The following GRID2 variants were observed in gnomAD, a reference collection of about 807,000 sequenced individuals.
The protein encoded by GRID2 is glutamate receptor ionotropic, delta-2.
GRID2 carries 33 observed loss-of-function variants against 114.8 expected under a neutral mutation model. The ratio of observed to expected loss-of-function variants is 0.29; its 90% CI spans 0.22 to 0.38. The LOEUF is 0.38. Among genes scored for constraint, GRID2 ranks in the 10% least tolerant of loss-of-function variants. GRID2 has a pLI of 1.00. For missense variants in GRID2, 1,184 were observed against 1,257.7 expected (o/e 0.94, Z 0.89); for synonymous variants, 505 against 449.9 (o/e 1.12, Z -1.55).
intron 1 of GRID2, among the ~76,000 whole-genome samples, chr4:92,581,376 G>T (rs1485681999): frequency 7.2e-5 from 11 of 151,916 alleles, no homozygotes; most frequent in Admixed American, 7.2e-4. Flanking sequence ...CTCTTACTAT[G>T]CTCCATGTGG....
chr4:93,780,581 A>G (rs1734458924), intron 1 of GRID2, among the ~76,000 whole-genome samples: 1 of 152,236 alleles, frequency 6.6e-6, no homozygotes, highest in African/African-American at 2.4e-5. Context: ...TCTTGGAATC[A>G]TAACTGCCGA....
At chr4:93,250,337 GC>G (rs1579426484) in intron 8 of GRID2, among the ~76,000 whole-genome samples, 1 of 152,092 alleles carries the variant, frequency 6.6e-6, no homozygotes, top group East Asian at 1.9e-4. Flanking sequence ...ACACACTGGG[GC>G]CTGTCAGAGG....
At chr4:92,542,880 T>G (rs1010742083) in intron 1 of GRID2, among the ~76,000 whole-genome samples, 2 of 152,180 alleles carry the variant, frequency 1.3e-5, no homozygotes, top group African/African-American at 2.4e-5. Flanking sequence ...TGGGTTCTAG[T>G]AGACCCTGTT....
chr4:92,584,617 A>C (rs879274952), intron 1 of GRID2, among the ~76,000 whole-genome samples: 1 of 152,038 alleles, frequency 6.6e-6, no homozygotes, highest in Non-Finnish European at 1.5e-5. Flanking sequence ...ACTACATTTC[A>C]TCAATTTTAT....
At chr4:92,810,846 T>C (rs111731130) in intron 2 of GRID2, among the ~76,000 whole-genome samples, 4,914 of 152,214 alleles carry the variant, frequency 0.032, 141 homozygotes, top group East Asian at 0.13. Flanking sequence ...GACTGGAGTG[T>C]GGTGGCACAA....
At chr4:93,147,570 G>A (rs1021762309) in intron 4 of GRID2, among the ~76,000 whole-genome samples, 1 of 152,170 alleles carries the variant, frequency 6.6e-6, no homozygotes, top group Non-Finnish European at 1.5e-5. Context: ...TAGGATGTGT[G>A]AGGAGGGAAG....
chr4:92,861,971 T>A lies in GRID2; in HGVS notation c.245-223024T>A, dbSNP rs556857214. Among the ~76,000 whole-genome samples the A allele has an allele frequency of 7.1e-4, 108 of 152,144 alleles. No homozygotes were observed. The South Asian group carries it at 0.022, about 31-fold the overall frequency. On this transcript the variant is annotated intron_variant, in intron 2 of 15. Transcript: ENST00000282020. ...TTATTGTCTGACGCCCACTATATTATAAGACCCCAGAATTTTTCTGTCTCA... is the reference window on the plus strand; with the variant it reads ...TTATTGTCTGACGCCCACTATATTAAAAGACCCCAGAATTTTTCTGTCTCA...
chr4:93,433,099 A>C (rs967896878), intron 10 of GRID2, among the ~76,000 whole-genome samples: 3 of 152,178 alleles, frequency 2.0e-5, no homozygotes, highest in African/African-American at 7.2e-5. Flanking sequence ...ATTAACTGTA[A>C]CAAATGTACC....
At chr4:92,490,874 G>C (rs887479441) in intron 1 of GRID2, among the ~76,000 whole-genome samples, 1 of 151,934 alleles carries the variant, frequency 6.6e-6, no homozygotes, top group Non-Finnish European at 1.5e-5. Flanking sequence ...TGCCTGTTTT[G>C]CATCATTAAC....
chr4:93,603,994 A>C (rs1578372956), intron 13 of GRID2, among the ~76,000 whole-genome samples: 1 of 152,342 alleles, frequency 6.6e-6, no homozygotes, highest in Admixed American at 6.5e-5. Flanking sequence ...ATGCCTGCTA[A>C]CACAAGATCC....
At chr4:93,526,587 A>T (rs1730925393) in intron 13 of GRID2, among the ~76,000 whole-genome samples, 1 of 152,200 alleles carries the variant, frequency 6.6e-6, no homozygotes, top group Non-Finnish European at 1.5e-5. Flanking sequence ...AGGCGGACAG[A>T]TCACCTGAGG....
chr4:93,451,669 A>C (rs1376166793), intron 10 of GRID2, among the ~76,000 whole-genome samples: 1 of 152,240 alleles, frequency 6.6e-6, no homozygotes, highest in South Asian at 2.1e-4. Flanking sequence ...AGAGGAAGAA[A>C]GGTAGATTTC....
chr4:92,623,777 G>C (rs1270241040), intron 2 of GRID2, among the ~76,000 whole-genome samples: 1 of 151,776 alleles, frequency 6.6e-6, no homozygotes, highest in African/African-American at 2.4e-5. Flanking sequence ...GAACCATTGA[G>C]TTGGAACTCA....
chr4:93,658,451 C>A (rs1327945664), intron 14 of GRID2, among the ~76,000 whole-genome samples: 1 of 152,102 alleles, frequency 6.6e-6, no homozygotes, highest in African/African-American at 2.4e-5. Flanking sequence ...AAGCACTATT[C>A]TAAGAGCTTT....
intron 10 of GRID2, among the ~76,000 whole-genome samples, chr4:93,446,258 G>T (rs1159735871): frequency 6.6e-6 from 1 of 152,008 alleles, no homozygotes; most frequent in African/African-American, 2.4e-5. Flanking sequence ...GCAAGCCATT[G>T]TGCCAGCCCT....
chr4:93,105,825 A>T (rs1323267500), intron 3 of GRID2, among the ~76,000 whole-genome samples: 1 of 152,136 alleles, frequency 6.6e-6, no homozygotes, highest in Non-Finnish European at 1.5e-5. Context: ...ATTACACTAG[A>T]GCCACCCAAA....
At position 92,868,370 on chromosome 4, in the gene GRID2, G is replaced by A. The variant is rs183229813; in HGVS notation, c.245-216625G>A. Among the ~76,000 whole-genome samples, 50 of 152,106 alleles carry A rather than the reference G, an allele frequency of 3.3e-4. No homozygotes were observed. The East Asian group carries it at 9.7e-3, about 30-fold the overall frequency. The stretch of plus-strand genomic sequence containing the variant: ...TCATAACAAACCTGAAGCATATTAA[G>A]CCTTAGGAGATTTGGTTCCCTACCA... On this transcript the variant is annotated intron_variant, in intron 2 of 15. Transcript: ENST00000282020.
chr4:93,710,202 C>T (rs540603398), intron 14 of GRID2, among the ~76,000 whole-genome samples: 1 of 152,138 alleles, frequency 6.6e-6, no homozygotes, highest in Admixed American at 6.6e-5. Flanking sequence ...GTTTGTACCC[C>T]TCTTTCCTGG....
intron 1 of GRID2, among the ~76,000 whole-genome samples, chr4:92,526,532 C>T (rs955665957): frequency 4.6e-5 from 7 of 151,942 alleles, no homozygotes; most frequent in Admixed American, 4.6e-4. Flanking sequence ...TTAGTAGAGC[C>T]AGGGTTTCAC....
Sources: gnomAD v4.1 joint callset for allele counts (sites outside exome capture counted in the v4.1 genomes callset) on GRCh38, gnomAD v4.1.1 for gene constraint, MANE v1.5 for transcripts, NCBI Gene and HGNC (gene_info 2026-07-23, HGNC 2026-07-21) for gene names.